Variants in KREMEN1 observed in about 807,000 individuals in gnomAD.
KREMEN1 encodes the protein kringle containing transmembrane protein 1.
A neutral mutation model predicts 46.5 loss-of-function variants in KREMEN1; 30 were observed. The ratio of observed to expected loss-of-function variants is 0.65; its 90% confidence interval spans 0.48 to 0.88. KREMEN1 has a LOEUF of 0.88. Among genes scored for constraint, KREMEN1 ranks in the 40% least tolerant of loss-of-function variants. The pLI, the probability that KREMEN1 is intolerant of heterozygous loss-of-function variation, is 0.00. For missense variants in KREMEN1, 533 were observed against 596.9 expected (o/e 0.89, Z 1.11); for synonymous variants, 214 against 230.6 (o/e 0.93, Z 0.65).
rs116043081 is a variant in KREMEN1, at chr22:29,132,341, A to G, written c.632-5001A>G. On this transcript the variant is annotated intron_variant, in intron 5 of 8. Transcript: ENST00000400335. Reference sequence around the variant, plus strand: ...AAAGCTGTTGTAAACATCCAAGTACAGGTGCTTATGTGGACATATGTTGTC... The same window carrying G: ...AAAGCTGTTGTAAACATCCAAGTACGGGTGCTTATGTGGACATATGTTGTC... 9.9e-3 allele frequency among the ~76,000 whole-genome samples: 1,509 copies of G among 152,340 alleles called. 22 individuals are homozygous for G. Among genetic ancestry groups the G allele is most frequent in the African/African-American group, 0.033 (1,376 of 41,574 alleles).
At chr22:29,107,801 G>T (rs760941803) in intron 3 of KREMEN1, among the ~76,000 whole-genome samples, 5 of 152,208 alleles carry the variant, frequency 3.3e-5, no homozygotes, top group Admixed American at 6.5e-5. Flanking sequence ...AGCTCAGGAG[G>T]TTGAGGCTGA....
At chr22:29,111,519 C>T (rs1468472556) in intron 3 of KREMEN1, 1 of 146,628 alleles carries the variant, frequency 6.8e-6, no homozygotes, top group Non-Finnish European at 1.5e-5. Flanking sequence ...GAGGCTGAGG[C>T]AGGAGAATGG....
rs5763003 is a variant in KREMEN1 at position 29,143,513 on chromosome 22, C to T, written c.*1401C>T. On this transcript the variant is annotated 3_prime_UTR_variant, in exon 9 of 9. Transcript: ENST00000400335. ...ATCCCAGCACTTTGGGAGGCTGAGGCGGGTGGATCACGAGGTCAGGTGATC... is the reference window on the plus strand; with the variant it reads ...ATCCCAGCACTTTGGGAGGCTGAGGTGGGTGGATCACGAGGTCAGGTGATC... 83,131 of 945,970 alleles carry T rather than the reference C, an allele frequency of 0.088. 4,847 individuals carry two copies. The highest frequency in any genetic ancestry group is 0.48 in the East Asian group (4,114 of 8,572). The allele number at this position is 945,970 out of a possible 1,614,324, so 58.6% of individuals were successfully genotyped here. A position where few individuals can be genotyped will look rare whatever the true frequency, so the allele number is the denominator to read the frequency against.
intron 3 of KREMEN1, among the ~76,000 whole-genome samples, chr22:29,106,028 A>G (rs1250387489): frequency 6.6e-6 from 1 of 152,246 alleles, no homozygotes; most frequent in Admixed American, 6.5e-5. Context: ...GGGTTTTTAA[A>G]ACTGTGTTTA....
intron 3 of KREMEN1, chr22:29,111,734 T>G (rs1229053783): frequency 6.6e-6 from 1 of 152,124 alleles, no homozygotes; most frequent in Non-Finnish European, 1.5e-5. Flanking sequence ...TTTTTAGTTT[T>G]TTAAGACATA....
At chr22:29,106,482 G>T (rs1310787607) in intron 3 of KREMEN1, among the ~76,000 whole-genome samples, 1 of 151,916 alleles carries the variant, frequency 6.6e-6, no homozygotes, top group African/African-American at 2.4e-5. Flanking sequence ...GCCCGCCTCG[G>T]CCTCCCAACA....
chr22:29,154,997 T>A (rs369071564), intron 9 of KREMEN1, among the ~76,000 whole-genome samples: 3 of 151,834 alleles, frequency 2.0e-5, no homozygotes, highest in Admixed American at 1.3e-4. Flanking sequence ...ATTAATGTGG[T>A]GTATAATCTC....
At chr22:29,093,436 G>T (rs2145760409) in intron 1 of KREMEN1, among the ~76,000 whole-genome samples, 1 of 152,308 alleles carries the variant, frequency 6.6e-6, no homozygotes, top group South Asian at 2.1e-4. Flanking sequence ...ACCTCTTCGA[G>T]TTTAATGCAT....
intron 9 of KREMEN1, among the ~76,000 whole-genome samples, chr22:29,159,558 G>T (rs1569342970): frequency 6.6e-6 from 1 of 152,158 alleles, no homozygotes; most frequent in Admixed American, 6.5e-5. Context: ...GACGGAGGTT[G>T]CAGTGAGCCG....
Position 29,126,263 on chromosome 22 carries a change from C to G in KREMEN1, c.631+847C>G, listed in dbSNP as rs115455786. ...AAAATGACATATGGTTTATTAGTTT[C>G]CTAGGACTGCCATAACAGATTATCA... On this transcript the variant is annotated intron_variant, in intron 5 of 8. Coordinates refer to ENST00000400335, the MANE Select transcript of KREMEN1 (RefSeq NM_001039570.3). Among the ~76,000 whole-genome samples the G allele has an allele frequency of 2.4e-3, 363 of 152,296 alleles. 3 individuals are homozygous for G. The highest frequency in any genetic ancestry group is 8.4e-3 in the African/African-American group (351 of 41,568).
In KREMEN1 at chr22:29,143,257, A is replaced by G; in HGVS notation, c.*1145A>G. The stretch of plus-strand genomic sequence containing the variant: ...TCAGTAAGTACTCAGGATTGGCTTT[A>G]TCAGCCTTGCCACTGAGCAGCTCAT... On this transcript the variant is annotated 3_prime_UTR_variant, in exon 9 of 9. Transcript: ENST00000400335. The G allele has an allele frequency of 1.0e-6, 1 of 985,474 alleles. No individual in the cohort carries two copies. Among genetic ancestry groups the G allele is most frequent in the Non-Finnish European group, 1.2e-6 (1 of 829,944 alleles). The allele number at this position is 985,474 out of a possible 1,614,324, so 61.0% of individuals were successfully genotyped here. A position where few individuals can be genotyped will look rare whatever the true frequency, so the allele number is the denominator to read the frequency against.
chr22:29,148,459 GTTT>G (rs71196635), downstream of KREMEN1, among the ~76,000 whole-genome samples: 5 of 143,294 alleles, frequency 3.5e-5, no homozygotes, highest in Non-Finnish European at 6.2e-5. Context: ...TGTTTTTTTT[GTTT>G]TTTTTTTTTG....
intron 1 of KREMEN1, 81 bp from the exon 2 acceptor site, chr22:29,094,172 CAAACA>C: frequency 2.5e-6 from 3 of 1,200,494 alleles, no homozygotes; most frequent in African/African-American, 1.5e-5. Context: ...CAGCTTGGTC[CAAACA>C]AAACAAAACA....
At chr22:29,119,622 C>T (rs774422477) in intron 3 of KREMEN1, among the ~76,000 whole-genome samples, 31 of 152,186 alleles carry the variant, frequency 2.0e-4, no homozygotes, top group Admixed American at 3.9e-4. Flanking sequence ...CCAAGTGTCA[C>T]GGGGGTATGC....
chr22:29,078,449 G>T (rs1273603314), intron 1 of KREMEN1, among the ~76,000 whole-genome samples: 1 of 150,908 alleles, frequency 6.6e-6, no homozygotes, highest in African/African-American at 2.4e-5. Flanking sequence ...CAGGCAGCAG[G>T]TGGCACCAGC....
chr22:29,080,564 T>A lies in KREMEN1; in HGVS notation c.97+7337T>A, dbSNP rs116483829. On this transcript the variant is annotated intron_variant, in intron 1 of 8. Transcript: ENST00000400335. ...GGGTTTTTGGTTGTCTTAGCTGAAA[T>A]GACTAGGCCTTCTTTGTTAGGGGCT... 8.0e-3 allele frequency among the ~76,000 whole-genome samples: 1,222 copies of A among 152,336 alleles called. 12 individuals are homozygous for A. The highest frequency in any genetic ancestry group is 0.028 in the African/African-American group (1,145 of 41,586).
intron 7 of KREMEN1, among the ~76,000 whole-genome samples, chr22:29,139,996 C>CA (rs1438205164): frequency 6.6e-6 from 1 of 152,198 alleles, no homozygotes; most frequent in Non-Finnish European, 1.5e-5. Context: ...GTGGCAGAGA[C>CA]AAAATGCATG....
At chr22:29,111,937 A>G (rs1032320524) in intron 3 of KREMEN1, among the ~76,000 whole-genome samples, 2 of 152,144 alleles carry the variant, frequency 1.3e-5, no homozygotes, top group African/African-American at 2.4e-5. Flanking sequence ...CAGGACTAGA[A>G]CTCATTCAAG....
chr22:29,163,319 A>G (rs1009887511), intron 9 of KREMEN1, among the ~76,000 whole-genome samples: 1 of 152,104 alleles, frequency 6.6e-6, no homozygotes, highest in African/African-American at 2.4e-5. Flanking sequence ...AAATAATGCG[A>G]AACTGTGAGT....
Sources: gnomAD v4.1 joint callset for allele counts (sites outside exome capture counted in the v4.1 genomes callset) on GRCh38, gnomAD v4.1.1 for gene constraint, MANE v1.5 for transcripts, NCBI Gene and HGNC (gene_info 2026-07-23, HGNC 2026-07-21) for gene names.